The following MCU variants were observed in gnomAD, a reference collection of about 807,000 sequenced individuals.
MCU encodes the protein mitochondrial calcium uniporter.
In MCU, 12 loss-of-function variants were observed where a neutral mutation model predicts 45.2. The observed-to-expected ratio is 0.27, with a 90% confidence interval of 0.17 to 0.43. The LOEUF (loss-of-function observed/expected upper bound fraction) is 0.43. MCU is among the 20% of genes least tolerant of loss of function. MCU has a pLI of 1.00. For missense variants in MCU, 324 were observed against 436.7 expected (o/e 0.74, Z 2.30); for synonymous variants, 160 against 165.1 (o/e 0.97, Z 0.24).
intron 2 of MCU, among the ~76,000 whole-genome samples, chr10:72,851,580 C>T (rs914929896): frequency 2.6e-5 from 4 of 151,916 alleles, no homozygotes; most frequent in Admixed American, 1.3e-4. Context: ...GAAAATGGTC[C>T]TCATGTGCTG....
chr10:72,717,765 T>C lies in MCU; in HGVS notation c.150+25464T>C, dbSNP rs147166599. 1.9e-3 allele frequency among the ~76,000 whole-genome samples: 285 copies of C among 152,304 alleles called. 3 individuals are homozygous for C. The highest frequency in any genetic ancestry group is 6.6e-3 in the African/African-American group (274 of 41,564). On this transcript the variant is annotated intron_variant, in intron 1 of 7. Coordinates refer to ENST00000373053, the MANE Select transcript of MCU (RefSeq NM_138357.3). Reference sequence around the variant, plus strand: ...GTATATTTGTGTATGTGTGTGTGGGTATGTGTGTCTAACAGCTTTAAAAGT... The same window carrying C: ...GTATATTTGTGTATGTGTGTGTGGGCATGTGTGTCTAACAGCTTTAAAAGT...
chr10:72,799,030 G>T (rs527602871), intron 1 of MCU, among the ~76,000 whole-genome samples: 3 of 151,964 alleles, frequency 2.0e-5, no homozygotes, highest in African/African-American at 4.8e-5. Flanking sequence ...AGGTTCAAGC[G>T]ATTCTCCTGC....
intron 1 of MCU, among the ~76,000 whole-genome samples, chr10:72,696,398 C>T (rs1424878119): frequency 3.3e-5 from 5 of 151,626 alleles, no homozygotes; most frequent in East Asian, 1.9e-4. Context: ...TAATTCCTAG[C>T]GTGAAGATGA....
chr10:72,841,587 C>T (rs888423947), intron 2 of MCU, among the ~76,000 whole-genome samples: 2 of 152,184 alleles, frequency 1.3e-5, no homozygotes, highest in East Asian at 1.9e-4. Flanking sequence ...CGTGAACCAC[C>T]GCGCCTGACC....
intron 1 of MCU, among the ~76,000 whole-genome samples, chr10:72,803,905 T>C (rs1844379312): frequency 6.7e-6 from 1 of 149,920 alleles, no homozygotes; most frequent in South Asian, 2.1e-4. Flanking sequence ...ATTTTTCTGA[T>C]TGTCCCATAA....
chr10:72,827,472 C>A (rs1844815691), intron 1 of MCU, among the ~76,000 whole-genome samples: 1 of 152,124 alleles, frequency 6.6e-6, no homozygotes, highest in African/African-American at 2.4e-5. Flanking sequence ...AGCAGTAAAA[C>A]AACAAATCTT....
chr10:72,832,113 C>T (rs536732572), intron 1 of MCU, among the ~76,000 whole-genome samples: 5 of 152,046 alleles, frequency 3.3e-5, no homozygotes, highest in Admixed American at 6.5e-5. Context: ...GTTGCCCAGG[C>T]TGGAGTGCAA....
At chr10:72,820,684 G>C (rs2132814878) in intron 1 of MCU, among the ~76,000 whole-genome samples, 1 of 152,104 alleles carries the variant, frequency 6.6e-6, no homozygotes, top group East Asian at 1.9e-4. Context: ...CTAATTTTTT[G>C]TATTTTTAGT....
At chr10:72,871,748 G>A (rs1022260537) in intron 6 of MCU, among the ~76,000 whole-genome samples, 168 bp downstream of exon 6, 2 of 152,194 alleles carry the variant, frequency 1.3e-5, no homozygotes, top group Non-Finnish European at 2.9e-5. Context: ...AGCAAGTGCT[G>A]TAGATGGAGA....
chr10:72,877,197 G>A (rs1836694144), intron 6 of MCU, among the ~76,000 whole-genome samples: 1 of 152,136 alleles, frequency 6.6e-6, no homozygotes, highest in South Asian at 2.1e-4. Context: ...TAGGATTACA[G>A]GCATGAGCCA....
At chr10:72,737,743 C>T (rs1399486161) in intron 1 of MCU, among the ~76,000 whole-genome samples, 3 of 152,076 alleles carry the variant, frequency 2.0e-5, no homozygotes, top group African/African-American at 4.8e-5. Flanking sequence ...TGGTCTTGAA[C>T]TCCTGGCCTT....
At chr10:72,786,959 T>C (rs979913115) in intron 1 of MCU, among the ~76,000 whole-genome samples, 3 of 152,062 alleles carry the variant, frequency 2.0e-5, no homozygotes, top group African/African-American at 7.3e-5. Context: ...ACATCCCCAA[T>C]GTCAAATAGC....
chr10:72,758,583 A>C (rs1843610840), intron 1 of MCU, among the ~76,000 whole-genome samples: 1 of 152,074 alleles, frequency 6.6e-6, no homozygotes, highest in Non-Finnish European at 1.5e-5. Context: ...ATGAATATGC[A>C]ACTTTCAGTT....
intron 1 of MCU, among the ~76,000 whole-genome samples, chr10:72,805,104 T>TTTCTTTCC (rs1844415633): frequency 2.2e-5 from 2 of 92,758 alleles, no homozygotes; most frequent in South Asian, 4.1e-4. Flanking sequence ...TTTCTTTCTC[T>TTTCTTTCC]TTCTTTCTTT....
intron 1 of MCU, chr10:72,693,086 A>G: frequency 6.5e-7 from 1 of 1,535,960 alleles, no homozygotes; most frequent in Non-Finnish European, 8.7e-7. Flanking sequence ...TGACAGAGGC[A>G]GAGATTTGGT....
chr10:72,730,315 T>C (rs1843155962), intron 1 of MCU, among the ~76,000 whole-genome samples: 1 of 146,258 alleles, frequency 6.8e-6, no homozygotes, highest in Non-Finnish European at 1.5e-5. Flanking sequence ...TTCTTTTTTT[T>C]TTTTTTTTTT....
At chr10:72,867,453 A>G (rs1014394881) in intron 4 of MCU, among the ~76,000 whole-genome samples, 1 of 152,162 alleles carries the variant, frequency 6.6e-6, no homozygotes, top group East Asian at 1.9e-4. Context: ...TCATAACTTC[A>G]TACCCTTTAG....
At chr10:72,881,891 G>A (rs1199934544) in intron 6 of MCU, among the ~76,000 whole-genome samples, 1 of 152,146 alleles carries the variant, frequency 6.6e-6, no homozygotes, top group Non-Finnish European at 1.5e-5. Flanking sequence ...CCCCAACGTG[G>A]AAACAACCCA....
At chr10:72,785,001 G>A (rs937503877) in intron 1 of MCU, among the ~76,000 whole-genome samples, 23 of 152,282 alleles carry the variant, frequency 1.5e-4, no homozygotes, top group African/African-American at 5.1e-4. Flanking sequence ...AGAATCTTGC[G>A]TTGTCAAGGA....
Sources: gnomAD v4.1 joint callset for allele counts (sites outside exome capture counted in the v4.1 genomes callset) on GRCh38, gnomAD v4.1.1 for gene constraint, MANE v1.5 for transcripts, NCBI Gene and HGNC (gene_info 2026-07-23, HGNC 2026-07-21) for gene names.